Variants in DIP2C observed in about 807,000 individuals in gnomAD.
DIP2C encodes DIP2 acetate--CoA ligase C (putative).
In DIP2C, 33 loss-of-function variants were observed where a neutral mutation model predicts 192.4. The ratio of observed to expected loss-of-function variants is 0.17; its 90% confidence interval spans 0.13 to 0.23. The LOEUF is 0.23. Among genes scored for constraint, DIP2C ranks in the 10% least tolerant of loss-of-function variants. The probability of loss-of-function intolerance (pLI) is 1.00; values close to 1 mark genes in which losing one functional copy is unlikely to be tolerated. For synonymous variants in DIP2C, 979 were observed against 864.1 expected, an observed-to-expected ratio of 1.13 and a Z score of -2.33; for missense variants, 1,537 against 2,110.1, an observed-to-expected ratio of 0.73 and a Z score of 5.32.
chr10:425,737 A>C (rs560880245), intron 4 of DIP2C, among the ~76,000 whole-genome samples: 15 of 152,378 alleles, frequency 9.8e-5, no homozygotes, highest in African/African-American at 2.6e-4. Context: ...TAACATTCAA[A>C]AGTGAATTAA....
At chr10:684,557 G>C (rs1370589448) in intron 1 of DIP2C, among the ~76,000 whole-genome samples, 1 of 152,148 alleles carries the variant, frequency 6.6e-6, no homozygotes, top group Non-Finnish European at 1.5e-5. Flanking sequence ...TTAGGCTCTG[G>C]AAGGTGGTCC....
At chr10:615,434 T>A (rs1853398931) in intron 1 of DIP2C, among the ~76,000 whole-genome samples, 1 of 152,276 alleles carries the variant, frequency 6.6e-6, no homozygotes, top group South Asian at 2.1e-4. Flanking sequence ...TCAGGGACGC[T>A]AAATTTGAAC....
At chr10:348,381 T>A (rs941683437) in intron 26 of DIP2C, among the ~76,000 whole-genome samples, 1 of 152,162 alleles carries the variant, frequency 6.6e-6, no homozygotes, top group East Asian at 1.9e-4. Flanking sequence ...GGTGATGCCC[T>A]CTCTTGGGAG....
intron 24 of DIP2C, 107 bp downstream of exon 24, chr10:356,319 C>G: frequency 7.8e-7 from 1 of 1,275,966 alleles, no homozygotes; most frequent in Non-Finnish European, 1.1e-6. Flanking sequence ...AAAGAATTCC[C>G]ATAAGACTGA....
At chr10:481,735 C>A (rs1225868533) in intron 2 of DIP2C, among the ~76,000 whole-genome samples, 11 of 152,218 alleles carry the variant, frequency 7.2e-5, no homozygotes, top group Admixed American at 7.2e-4. Context: ...GAGCATCATG[C>A]GGACACGGTG....
At chr10:570,574 A>G (rs1027724759) in intron 1 of DIP2C, among the ~76,000 whole-genome samples, 1 of 151,994 alleles carries the variant, frequency 6.6e-6, no homozygotes, top group African/African-American at 2.4e-5. Context: ...TGCACCCAAC[A>G]CTACTTCAGC....
intron 1 of DIP2C, among the ~76,000 whole-genome samples, chr10:620,898 T>C (rs1318381240): frequency 6.6e-6 from 1 of 152,232 alleles, no homozygotes; most frequent in Non-Finnish European, 1.5e-5. Flanking sequence ...AGTAACTAAA[T>C]CTGTCGGCTG....
intron 31 of DIP2C, among the ~76,000 whole-genome samples, chr10:320,906 G>A (rs1025431484): frequency 6.6e-6 from 1 of 152,370 alleles, no homozygotes; most frequent in South Asian, 2.1e-4. Flanking sequence ...AGAGGAAAGA[G>A]AGCACCGCAG....
Position 384,428 on chromosome 10 carries a change from G to A in DIP2C, c.1756+118C>T, listed in dbSNP as rs1353446043. 5.8e-6 allele frequency: 6 copies of A among 1,037,058 alleles called. No homozygotes were observed. In the African/African-American group the frequency reaches 9.5e-5, roughly 16 times the overall value. The allele number at this position is 1,037,058 out of a possible 1,614,324, so 64.2% of individuals were successfully genotyped here. A position where few individuals can be genotyped will look rare whatever the true frequency, so the allele number is the denominator to read the frequency against. On this transcript the variant is annotated intron_variant, in intron 15 of 36. Coordinates refer to ENST00000280886, the MANE Select transcript of DIP2C (RefSeq NM_014974.3). ...AATTTTTGTATTATTAGTAGAAACG[G>A]GGTTTCTCCATATTGGCCCGGGTGG...
intron 1 of DIP2C, among the ~76,000 whole-genome samples, chr10:588,624 C>T (rs923985379): frequency 5.3e-5 from 8 of 152,222 alleles, no homozygotes; most frequent in Non-Finnish European, 1.2e-4. Context: ...CGCAGAGGCT[C>T]GTGGACCCAA....
chr10:640,354 T>A, intron 1 of DIP2C, among the ~76,000 whole-genome samples: 1 of 152,318 alleles, frequency 6.6e-6, no homozygotes, highest in East Asian at 1.9e-4. Flanking sequence ...GCTCAGGAAA[T>A]CACCGCAGCC....
At chr10:525,751 G>A (rs1180344208) in intron 1 of DIP2C, among the ~76,000 whole-genome samples, 1 of 152,210 alleles carries the variant, frequency 6.6e-6, no homozygotes, top group Non-Finnish European at 1.5e-5. Context: ...CACCAGCTGT[G>A]CAGGTGACTC....
At chr10:503,236 TATC>T (rs1588319284) in intron 1 of DIP2C, among the ~76,000 whole-genome samples, 2 of 152,360 alleles carry the variant, frequency 1.3e-5, no homozygotes, top group African/African-American at 2.4e-5. Flanking sequence ...CCTGCGGACT[TATC>T]ATGATTCCAA....
chr10:362,543 A>G lies in DIP2C; in HGVS notation c.2741T>C (p.Met914Thr). 1.2e-6 allele frequency: 2 copies of G among 1,614,090 alleles called. No individual in the cohort carries two copies. Among genetic ancestry groups the G allele is most frequent in the South Asian group, 2.2e-5 (2 of 91,084 alleles). The change falls in exon 22 of 37, where the codon ATG becomes ACG. Residue 914 changes from methionine (M) to threonine (T), a missense_variant. Transcript: ENST00000280886. The stretch of plus-strand genomic sequence containing the variant: ...GTTTGTGACGCAGGTGTGGGGGCAC[A>G]TTAGGACATTGCAGGGGTGCAGAGA... Reference protein sequence around the residue: ...EGSLHPCNVLMCPHTCVTNLP... With the variant: ...EGSLHPCNVLTCPHTCVTNLP...
chr10:449,902 T>C (rs774392734), intron 3 of DIP2C, among the ~76,000 whole-genome samples: 1 of 137,690 alleles, frequency 7.3e-6, no homozygotes, highest in Non-Finnish European at 1.5e-5. Context: ...CAAATAAAGA[T>C]GTTTCAGTCA....
In DIP2C at chr10:382,658, C is replaced by T; in HGVS notation, c.1980G>A (p.Val660=). 1 of 1,613,638 alleles carries T rather than the reference C, an allele frequency of 6.2e-7. No homozygotes were observed. The highest frequency in any genetic ancestry group is 1.3e-5 in the African/African-American group (1 of 75,010). Residue 660 remains valine, a synonymous_variant, in exon 17 of 37, where the codon GTG becomes GTA. Coordinates refer to ENST00000280886, the MANE Select transcript of DIP2C (RefSeq NM_014974.3). Reference sequence around the variant, plus strand: ...ACATGACCCAGTACCTCCGGATGGCCACAGTGAGGGCCTCTGGCGAGCTGG... The same window carrying T: ...ACATGACCCAGTACCTCCGGATGGCTACAGTGAGGGCCTCTGGCGAGCTGG... ...PCASSPEALT[V]AIRRPTDDSN...
rs375386953 is a variant in DIP2C, at chr10:596,464, T to G, written c.85+93030A>C. ...TGAGCCGAGATCATGCCATTGCACTTCAGCCTGGGCGACCAGTGCGAAACT... is the reference window on the plus strand; with the variant it reads ...TGAGCCGAGATCATGCCATTGCACTGCAGCCTGGGCGACCAGTGCGAAACT... On this transcript the variant is annotated intron_variant, in intron 1 of 36. Transcript: ENST00000280886. Among the ~76,000 whole-genome samples, 85 of 117,976 alleles carry G rather than the reference T, an allele frequency of 7.2e-4. 1 individual carries two copies. The East Asian group carries it at 0.017, about 24-fold the overall frequency. The allele number at this position is 117,976 out of a possible 152,430, so 77.4% of individuals were successfully genotyped here.
At chr10:584,979 G>A (rs979624302) in intron 1 of DIP2C, among the ~76,000 whole-genome samples, 5 of 127,744 alleles carry the variant, frequency 3.9e-5, no homozygotes, top group African/African-American at 9.2e-5. Context: ...CCCCACTCAC[G>A]CGCATCACCT....
intron 1 of DIP2C, among the ~76,000 whole-genome samples, chr10:497,125 G>GA (rs1205356082): frequency 6.6e-6 from 1 of 151,638 alleles, no homozygotes; most frequent in African/African-American, 2.4e-5. Context: ...ACTCCACCTC[G>GA]AAATCAATCA....
Sources: allele counts gnomAD v4.1 joint callset (sites outside exome capture counted in the v4.1 genomes callset), GRCh38; gene constraint gnomAD v4.1.1; transcripts MANE v1.5; gene names NCBI Gene and HGNC (gene_info 2026-07-23, HGNC 2026-07-21).